Variants in TMEM237 observed in about 807,000 individuals in gnomAD.
TMEM237 encodes transmembrane protein 237.
TMEM237 carries 51 observed loss-of-function variants against 59.1 expected under a neutral mutation model. That is an observed-to-expected ratio of 0.86 (90% CI 0.69 to 1.09). The LOEUF is 1.09. Among genes scored for constraint, TMEM237 ranks in the 50% least tolerant of loss-of-function variants. TMEM237 has a pLI of 0.00. For synonymous variants in TMEM237, 140 were observed against 166.1 expected (o/e 0.84, Z 1.21); for missense variants, 475 against 478.3 (o/e 0.99, Z 0.06).
rs80034299 is a variant in TMEM237 at position 201,632,050 on chromosome 2, C to G, written c.553+1G>C. ...TATTCTAAAACAAGGCATCTACTTA[C>G]GGCTTTTTTCCACAAATACTTTGCC... On this transcript the variant is annotated splice_donor_variant, in intron 7 of 12. Transcript: ENST00000409883. LOFTEE classifies it high-confidence loss of function. 1.2e-6 allele frequency: 2 copies of G among 1,613,578 alleles called. No individual in the cohort carries two copies. Among genetic ancestry groups the G allele is most frequent in the Admixed American group, 3.3e-5 (2 of 59,986 alleles).
Position 201,639,009 on chromosome 2 carries a change from G to A in TMEM237, c.116C>T (p.Pro39Leu). Residue 39 changes from proline to leucine, a missense_variant, in exon 4 of 13, where the codon CCC becomes CTC. Coordinates refer to ENST00000409883, the MANE Select transcript of TMEM237 (RefSeq NM_001044385.3). The part of the protein sequence containing the change: ...IPLSRPKKKK[P>L]RTKNTPASAS... ...CTTACCTGGTGTGTTTTTTGTTCTG[G>A]GCTTCTTTTTCTTAGGACGACTAAG... 1 of 1,584,352 alleles carries A rather than the reference G, an allele frequency of 6.3e-7. No homozygotes were observed. Among genetic ancestry groups the A allele is most frequent in the Non-Finnish European group, 8.6e-7 (1 of 1,164,360 alleles).
chr2:201,634,018 G>C (rs1687241620), intron 5 of TMEM237, among the ~76,000 whole-genome samples: 1 of 152,214 alleles, frequency 6.6e-6, no homozygotes, highest in South Asian at 2.1e-4. Flanking sequence ...GCCCGGAAGG[G>C]AAACAGATGT....
chr2:201,634,170 C>A (rs534876710), intron 5 of TMEM237, among the ~76,000 whole-genome samples: 4 of 152,254 alleles, frequency 2.6e-5, no homozygotes, highest in African/African-American at 9.6e-5. Flanking sequence ...CAGGCTTTTC[C>A]AAGGATAGCA....
Position 201,628,397 on chromosome 2 carries a change from A to T in TMEM237, c.870-248T>A, listed in dbSNP as rs189483035. On this transcript the variant is annotated intron_variant, in intron 9 of 12. Transcript: ENST00000409883. ...GGTTAAAACATCCTAAAGAAAATTA[A>T]ACTTGATCTATAAAATTTCATTAGT... is the stretch of plus-strand genomic sequence containing the variant. 2.2e-3 allele frequency among the ~76,000 whole-genome samples: 328 copies of T among 152,308 alleles called. 1 individual carries two copies. Among genetic ancestry groups the T allele is most frequent in the African/African-American group, 7.3e-3 (302 of 41,566 alleles).
chr2:201,625,622 A>G (rs1308087510), intron 12 of TMEM237, among the ~76,000 whole-genome samples: 1 of 152,350 alleles, frequency 6.6e-6, no homozygotes, highest in African/African-American at 2.4e-5. Context: ...TGTACCAAAT[A>G]GAGAAGGAAG....
Position 201,643,425 on chromosome 2 carries a change from C to CG in TMEM237, c.-26dup. 3.4e-6 allele frequency: 5 copies of CG among 1,486,214 alleles called. No homozygotes were observed. Among genetic ancestry groups the CG allele is most frequent in the Non-Finnish European group, 4.5e-6 (5 of 1,116,492 alleles). The allele number at this position is 1,486,214 out of a possible 1,614,324, so 92.1% of individuals were successfully genotyped here. A position where few individuals can be genotyped will look rare whatever the true frequency, so the allele number is the denominator to read the frequency against. ...TGGTGCTCTCCCCGCGGGGCTGCCC[C>CG]GGCGCAACCGCCGGCGGCCCGAGCC... On this transcript the variant is annotated 5_prime_UTR_variant, in exon 1 of 13. Transcript: ENST00000409883. This position sits in a 1 kb window ranked among gnomAD's most constrained non-coding sequence, Gnocchi z 4.3.
At chr2:201,630,763 T>C (rs961821605) in intron 7 of TMEM237, among the ~76,000 whole-genome samples, 4 of 152,162 alleles carry the variant, frequency 2.6e-5, no homozygotes, top group South Asian at 2.1e-4. Context: ...ACCATGTGAC[T>C]AGAAGTCATA....
In TMEM237 at chr2:201,643,291, CA is replaced by C; in HGVS notation, c.42+67del. ...TCGTTGGCGCCCCCCCACACACACC[CA>C]CCCCCACTGCCAAGTGTAGCTGTTT... On this transcript the variant is annotated intron_variant, in intron 1 of 12. Coordinates refer to ENST00000409883, the MANE Select transcript of TMEM237 (RefSeq NM_001044385.3). This position sits in a 1 kb window ranked among gnomAD's most constrained non-coding sequence, Gnocchi z 4.3. 1.4e-6 allele frequency: 2 copies of C among 1,467,296 alleles called. No individual in the cohort carries two copies. The highest frequency in any genetic ancestry group is 1.9e-6 in the Non-Finnish European group (2 of 1,075,806). The allele number at this position is 1,467,296 out of a possible 1,614,324, so 90.9% of individuals were successfully genotyped here. A position where few individuals can be genotyped will look rare whatever the true frequency, so the allele number is the denominator to read the frequency against.
intron 4 of TMEM237, 68 bp downstream of exon 4, chr2:201,638,921 G>A: frequency 6.9e-7 from 1 of 1,440,702 alleles, no homozygotes; most frequent in Non-Finnish European, 9.5e-7. Flanking sequence ...TCCCTTATCT[G>A]TGATGTTTAC....
At chr2:201,625,362 C>CA (rs1957749265) in intron 12 of TMEM237, among the ~76,000 whole-genome samples, 2 of 148,376 alleles carry the variant, frequency 1.3e-5, no homozygotes, top group African/African-American at 5.0e-5. Context: ...ACTCCATCTC[C>CA]AAAAATAAAA....
intron 3 of TMEM237, among the ~76,000 whole-genome samples, chr2:201,639,575 C>A (rs1687371508): frequency 6.6e-6 from 1 of 152,188 alleles, no homozygotes; most frequent in African/African-American, 2.4e-5. Flanking sequence ...ACAGGCAGAT[C>A]ACTTGAGCTC....
rs547511968 is a variant in TMEM237, at chr2:201,640,493, T to G, written c.75-228A>C. ...AAATAATGTCAATATTTTCTGAACC[T>G]ACATATACATATTCCCTACTGTCTA... On this transcript the variant is annotated intron_variant, in intron 2 of 12. Coordinates refer to ENST00000409883, the MANE Select transcript of TMEM237 (RefSeq NM_001044385.3). Among the ~76,000 whole-genome samples the G allele has an allele frequency of 2.0e-5, 3 of 152,322 alleles. No individual in the cohort carries two copies. In the East Asian group the frequency reaches 5.8e-4, roughly 29 times the overall value.
intron 11 of TMEM237, among the ~76,000 whole-genome samples, chr2:201,626,556 AAAGAC>A (rs1238176540): frequency 6.6e-6 from 1 of 151,304 alleles, no homozygotes; most frequent in Admixed American, 6.6e-5. Flanking sequence ...AAAAAAAAAA[AAAGAC>A]TGCTTCTCTA....
intron 11 of TMEM237, among the ~76,000 whole-genome samples, chr2:201,626,738 G>C (rs535233465): frequency 4.6e-5 from 7 of 152,134 alleles, no homozygotes; most frequent in East Asian, 3.9e-4. Flanking sequence ...TCCCTGACAG[G>C]GGGTAAGAAT....
At chr2:201,640,124 T>C in intron 3 of TMEM237, 137 bp downstream of exon 3, 1 of 666,168 alleles carries the variant, frequency 1.5e-6, no homozygotes, top group Non-Finnish European at 2.3e-6. Flanking sequence ...TAAATGGTAG[T>C]CATGGGAGAT....
chr2:201,639,529 C>T (rs1421608757), intron 3 of TMEM237, among the ~76,000 whole-genome samples: 2 of 152,206 alleles, frequency 1.3e-5, no homozygotes. Context: ...GGCGCAGTGG[C>T]TCACACCTGT....
intron 5 of TMEM237, chr2:201,634,826 T>C: frequency 2.3e-6 from 1 of 427,978 alleles, no homozygotes; most frequent in Non-Finnish European, 4.8e-6. Context: ...TGCTCCATTC[T>C]CCTGACTTTT....
At position 201,624,150 on chromosome 2, in the gene TMEM237, C is replaced by CA. The variant is rs1040389015; in HGVS notation, c.*104dup. On this transcript the variant is annotated 3_prime_UTR_variant, in exon 13 of 13. Coordinates refer to ENST00000409883, the MANE Select transcript of TMEM237 (RefSeq NM_001044385.3). ...GAGAGATGTTTCAGTATTATATAAT[C>CA]AAAAAATCTATTACAAATACACATG... 1.8e-4 allele frequency: 129 copies of CA among 725,278 alleles called. No homozygotes were observed. Among genetic ancestry groups the CA allele is most frequent in the Admixed American group, 2.5e-4 (8 of 32,040 alleles). 44.9% of individuals were successfully genotyped at this position (725,278 alleles called of 1,614,324 possible). A position where few individuals can be genotyped will look rare whatever the true frequency, so the allele number is the denominator to read the frequency against.
chr2:201,626,093 C>G lies in TMEM237; in HGVS notation c.1092G>C (p.Val364=). Residue 364 remains valine, a synonymous_variant, in exon 12 of 13, where the codon GTG becomes GTC. Coordinates refer to ENST00000409883, the MANE Select transcript of TMEM237 (RefSeq NM_001044385.3). ...ILQPWIVVNL[V]VALLVGLSWL... is the part of the protein sequence containing the mutation. The stretch of plus-strand genomic sequence containing the variant: ...AAGATAATCCAACCAGAAGAGCCAC[C>G]ACGAGATTCACCACAATCCATGGCT... The G allele has an allele frequency of 6.2e-7, 1 of 1,609,076 alleles. No homozygotes were observed. The highest frequency in any genetic ancestry group is 1.3e-5 in the African/African-American group (1 of 74,822).
Sources: gnomAD v4.1 joint callset for allele counts (sites outside exome capture counted in the v4.1 genomes callset) on GRCh38, gnomAD v4.1.1 for gene constraint, Gnocchi (gnomAD v3.1) non-coding constraint, MANE v1.5 for transcripts, NCBI Gene and HGNC (gene_info 2026-07-23, HGNC 2026-07-21) for gene names.